Variants in NUFIP1 observed in about 807,000 individuals in gnomAD.
NUFIP1 encodes the protein FMR1-interacting protein NUFIP1.
NUFIP1 carries 38 observed loss-of-function variants against 56.2 expected under a neutral mutation model. The observed-to-expected ratio is 0.68, with a 90% CI of 0.52 to 0.89. The LOEUF is 0.89. Ranked by LOEUF, NUFIP1 falls within the 40% of genes least tolerant of loss-of-function variation. The pLI is 0.00. For missense variants in NUFIP1, 567 were observed against 605.8 expected (o/e 0.94, Z 0.67); for synonymous variants, 215 against 212.4 (o/e 1.01, Z -0.10).
intron 5 of NUFIP1, among the ~76,000 whole-genome samples, chr13:44,975,644 C>A (rs1331516263): frequency 6.6e-6 from 1 of 152,154 alleles, no homozygotes; most frequent in East Asian, 1.9e-4. Context: ...CTAATCCCTG[C>A]CTCTCCTTAT....
rs112555590 is a variant in NUFIP1, at chr13:44,941,536, C to T, written c.1372-214G>A. Reference sequence around the variant, plus strand: ...TTTTATTTATTTATTTATTTTGAGACGGAGTCTCGCTCTGTTGCCCAGGCT... The same window carrying T: ...TTTTATTTATTTATTTATTTTGAGATGGAGTCTCGCTCTGTTGCCCAGGCT... On this transcript the variant is annotated intron_variant, in intron 9 of 9. Transcript: ENST00000379161. Among the ~76,000 whole-genome samples, 276 of 152,286 alleles carry T rather than the reference C, an allele frequency of 1.8e-3. 2 individuals are homozygous for T. The highest frequency in any genetic ancestry group is 2.3e-3 in the Non-Finnish European group (156 of 68,026).
At chr13:44,985,385 TTTCAG>T in intron 1 of NUFIP1, among the ~76,000 whole-genome samples, 1 of 152,160 alleles carries the variant, frequency 6.6e-6, no homozygotes, top group Non-Finnish European at 1.5e-5. Context: ...ATATCCTATC[TTTCAG>T]TAAATCATGC....
intron 8 of NUFIP1, among the ~76,000 whole-genome samples, chr13:44,947,961 T>C (rs1296942930): frequency 6.6e-6 from 1 of 152,170 alleles, no homozygotes; most frequent in Non-Finnish European, 1.5e-5. Flanking sequence ...GAAGCTACCA[T>C]AGTAAGCCAT....
At position 44,943,587 on chromosome 13, in the gene NUFIP1, T is replaced by C. The variant is rs200034285; in HGVS notation, c.1226A>G (p.Lys409Arg). ...TTCTGAAAAATTTCTAACAGTTGCT[T>C]TAACATCTTGACTTGGACTCTTAGG... ...SAPKSPSQDV[K>R]ATVRNFSEAK... The change falls in exon 9 of 10, where the codon AAA becomes AGA. Residue 409 changes from lysine (K) to arginine (R), a missense_variant. Transcript: ENST00000379161. 114 of 1,614,050 alleles carry C rather than the reference T, an allele frequency of 7.1e-5. 4 individuals carry two copies. Among genetic ancestry groups the C allele is most frequent in the Non-Finnish European group, 1.7e-6 (2 of 1,180,004 alleles).
chr13:44,985,498 A>T (rs1012172885), intron 1 of NUFIP1, among the ~76,000 whole-genome samples: 6 of 152,166 alleles, frequency 3.9e-5, no homozygotes, highest in African/African-American at 7.2e-5. Flanking sequence ...CCCTACATCA[A>T]GCAGGTCTAT....
chr13:44,970,460 A>G lies in NUFIP1; in HGVS notation c.735-4524T>C, dbSNP rs182971178. Among the ~76,000 whole-genome samples the G allele has an allele frequency of 2.2e-4, 34 of 152,312 alleles. No individual in the cohort carries two copies. In the East Asian group the frequency reaches 6.0e-3, roughly 27 times the overall value. ...TTCACAAGCTTTTCCTAACAGAGCA[A>G]CTACATAAAGACCTTATTTTTCCTG... On this transcript the variant is annotated intron_variant, in intron 5 of 9. Transcript: ENST00000379161.
chr13:44,965,714 A>G, intron 6 of NUFIP1, 130 bp downstream of exon 6: 1 of 370,644 alleles, frequency 2.7e-6, no homozygotes, highest in African/African-American at 2.2e-5. Flanking sequence ...ATAAATAAAA[A>G]TAAAAATAAA....
Position 44,950,558 on chromosome 13 carries a change from G to T in NUFIP1, c.1022-720C>A, listed in dbSNP as rs948778313. Among the ~76,000 whole-genome samples, 10 of 152,146 alleles carry T rather than the reference G, an allele frequency of 6.6e-5. No individual in the cohort carries two copies. In the South Asian group the frequency reaches 8.3e-4, roughly 13 times the overall value. On this transcript the variant is annotated intron_variant, in intron 7 of 9. Coordinates refer to ENST00000379161, the MANE Select transcript of NUFIP1 (RefSeq NM_012345.3). ...GATGCGGATTCACCATGTTGGCCAGGCTGGTCTCAAACTCCTGGCCTCAAG... is the reference window on the plus strand; with the variant it reads ...GATGCGGATTCACCATGTTGGCCAGTCTGGTCTCAAACTCCTGGCCTCAAG...
chr13:44,977,184 G>C (rs1195680401), intron 5 of NUFIP1, among the ~76,000 whole-genome samples: 2 of 152,246 alleles, frequency 1.3e-5, no homozygotes, highest in African/African-American at 4.8e-5. Context: ...CAACAAATAT[G>C]TATTTCTCAC....
chr13:44,960,915 C>T (rs902939826), intron 6 of NUFIP1, among the ~76,000 whole-genome samples: 3 of 151,978 alleles, frequency 2.0e-5, no homozygotes, highest in Admixed American at 1.3e-4. Context: ...AAGCTGGGCA[C>T]GGTAGCAGGT....
chr13:44,965,510 A>G (rs1323579969), intron 6 of NUFIP1, among the ~76,000 whole-genome samples: 1 of 152,154 alleles, frequency 6.6e-6, no homozygotes, highest in Admixed American at 6.5e-5. Context: ...CCTGGCCAAC[A>G]TGGTGAAACC....
intron 8 of NUFIP1, among the ~76,000 whole-genome samples, chr13:44,948,141 C>CT (rs61398364): frequency 0.14 from 16,637 of 120,756 alleles, 2,639 homozygotes; most frequent in African/African-American, 0.37. Flanking sequence ...ACTACATTTC[C>CT]TTTTTTTTTT....
chr13:44,979,281 C>G lies in NUFIP1; in HGVS notation c.658-15G>C. On this transcript the variant is annotated splice_polypyrimidine_tract_variant and intron_variant, in intron 4 of 9. Transcript: ENST00000379161. Reference sequence around the variant, plus strand: ...GGAGCATGCATCTAGGGGGAAAAAGCCTGCTGAACATCAGGAGGCAATATC... The same window carrying G: ...GGAGCATGCATCTAGGGGGAAAAAGGCTGCTGAACATCAGGAGGCAATATC... The G allele has an allele frequency of 6.2e-7, 1 of 1,605,480 alleles. No individual in the cohort carries two copies. Among genetic ancestry groups the G allele is most frequent in the Non-Finnish European group, 8.5e-7 (1 of 1,176,252 alleles).
At chr13:44,948,551 A>AG (rs754917145) in intron 8 of NUFIP1, among the ~76,000 whole-genome samples, 11 of 152,234 alleles carry the variant, frequency 7.2e-5, no homozygotes, top group Non-Finnish European at 1.5e-4. Flanking sequence ...CCTGAGACAT[A>AG]GACATGAATT....
intron 5 of NUFIP1, among the ~76,000 whole-genome samples, chr13:44,972,676 T>C (rs1468149320): frequency 2.6e-5 from 4 of 152,196 alleles, no homozygotes; most frequent in South Asian, 2.1e-4. Context: ...AGGCCTCTTA[T>C]AGGAAGTCTT....
intron 5 of NUFIP1, among the ~76,000 whole-genome samples, chr13:44,973,286 A>G (rs898150507): frequency 6.6e-6 from 1 of 152,208 alleles, no homozygotes; most frequent in African/African-American, 2.4e-5. Flanking sequence ...TTTAATGTTC[A>G]AAACCACAGC....
chr13:44,955,392 G>C (rs1476433212), intron 7 of NUFIP1, among the ~76,000 whole-genome samples: 1 of 152,148 alleles, frequency 6.6e-6, no homozygotes, highest in Non-Finnish European at 1.5e-5. Context: ...GGTGAACCCA[G>C]GCAATGATTT....
In NUFIP1 at chr13:44,959,503, T is replaced by C; in HGVS notation, c.899A>G (p.Lys300Arg). ...TGCTCTCTGTCTAGAATTGTCGTTT[T>C]TCCATTTGTGATTCTTGCCAGGACT... ...IRSPGKNHKW[K>R]NDNSRQRAVT... Residue 300 changes from lysine (K) to arginine (R), a missense_variant, in exon 7 of 10, where the codon AAA becomes AGA. By Grantham distance (26) the Lys-to-Arg change is conservative (BLOSUM62 2). Transcript: ENST00000379161. 1 of 1,614,176 alleles carries C rather than the reference T, an allele frequency of 6.2e-7. No homozygotes were observed. The highest frequency in any genetic ancestry group is 8.5e-7 in the Non-Finnish European group (1 of 1,180,036).
At chr13:44,988,136 C>G (rs564640811) in intron 1 of NUFIP1, among the ~76,000 whole-genome samples, 2 of 152,352 alleles carry the variant, frequency 1.3e-5, no homozygotes, top group East Asian at 3.9e-4. Context: ...ACTGCACTAC[C>G]TGGCCCGGCG....
Sources: gnomAD v4.1 joint callset for allele counts (sites outside exome capture counted in the v4.1 genomes callset) on GRCh38, gnomAD v4.1.1 for gene constraint, MANE v1.5 for transcripts, NCBI Gene and HGNC (gene_info 2026-07-23, HGNC 2026-07-21) for gene names.